The following NRXN1 variants were observed in gnomAD, a reference collection of about 807,000 sequenced individuals.
The protein encoded by NRXN1 is neurexin-1.
Under a neutral mutation model 150.9 loss-of-function variants are expected in NRXN1, and 39 were observed. The ratio of observed to expected loss-of-function variants is 0.26; its 90% CI spans 0.20 to 0.34. The LOEUF (loss-of-function observed/expected upper bound fraction) is 0.34. Ranked by LOEUF, NRXN1 falls within the 10% of genes least tolerant of loss-of-function variation. NRXN1 has a pLI of 1.00. For missense variants in NRXN1, 1,815 were observed against 1,949.9 expected, an observed-to-expected ratio of 0.93 and a Z score of 1.30; for synonymous variants, 924 against 757.0, an observed-to-expected ratio of 1.22 and a Z score of -3.62.
At chr2:50,506,389 GAATACATTTCAAGTTGTGTACC>G (rs2092222229) in intron 13 of NRXN1, 84 bp downstream of exon 13, 1 of 955,152 alleles carries the variant, frequency 1.0e-6, no homozygotes, top group Non-Finnish European at 1.5e-6. Flanking sequence ...TGGATTGTGT[GAATACATTTCAAGTTGTGTACC>G]AGCCTTGGTG....
intron 18 of NRXN1, among the ~76,000 whole-genome samples, chr2:50,146,243 G>A (rs1335656967): frequency 4.6e-5 from 7 of 151,578 alleles, no homozygotes; most frequent in Non-Finnish European, 8.9e-5. Context: ...GTCTAAATTC[G>A]TTCAACCATT....
At chr2:50,095,497 A>G (rs1700097990) in intron 18 of NRXN1, among the ~76,000 whole-genome samples, 1 of 152,166 alleles carries the variant, frequency 6.6e-6, no homozygotes, top group African/African-American at 2.4e-5. Flanking sequence ...AGTAGGCCAT[A>G]AGAGCCTATT....
intron 8 of NRXN1, among the ~76,000 whole-genome samples, chr2:50,608,082 G>A (rs80278785): frequency 0.035 from 5,274 of 152,070 alleles, 147 homozygotes; most frequent in Non-Finnish European, 0.053. Flanking sequence ...TCTTGACACC[G>A]AGATGCTGAG....
chr2:50,409,479 C>T lies in NRXN1; in HGVS notation c.3364+55963G>A, dbSNP rs75369556. ...AAAGAGAAAATGACCATTTGCATCT[C>T]TTGGTTATAAGTAGGCTTGTCATTC... is the stretch of plus-strand genomic sequence containing the variant. On this transcript the variant is annotated intron_variant, in intron 17 of 22. Transcript: ENST00000401669. 7.3e-3 allele frequency among the ~76,000 whole-genome samples: 1,111 copies of T among 152,324 alleles called. 20 individuals carry two copies. Among genetic ancestry groups the T allele is most frequent in the African/African-American group, 0.025 (1,053 of 41,582 alleles).
intron 17 of NRXN1, among the ~76,000 whole-genome samples, chr2:50,416,669 G>A (rs750828487): frequency 3.3e-5 from 5 of 152,064 alleles, no homozygotes; most frequent in Non-Finnish European, 5.9e-5. Context: ...TCAGGCAGAA[G>A]GGGAAGCAAA....
intron 2 of NRXN1, among the ~76,000 whole-genome samples, chr2:51,001,241 G>A (rs984258322): frequency 4.6e-5 from 6 of 131,652 alleles, no homozygotes; most frequent in Admixed American, 8.3e-5. Context: ...GGTTGGGGGG[G>A]GGGGGCGTTT....
rs566093717 is a variant in NRXN1, at chr2:50,655,172, G to T, written c.833-31557C>A. Among the ~76,000 whole-genome samples the T allele has an allele frequency of 3.3e-5, 5 of 151,256 alleles. No homozygotes were observed. In the East Asian group the frequency reaches 9.9e-4, roughly 30 times the overall value. On this transcript the variant is annotated intron_variant, in intron 5 of 22. Coordinates refer to ENST00000401669, the MANE Select transcript of NRXN1 (RefSeq NM_001330078.2). ...ATCAGGTGAGCCATACTTTTCTTGT[G>T]AAAAGTAGCAAGCATGGAAAAAAAA...
chr2:50,945,447 G>C (rs1212323121), intron 2 of NRXN1, among the ~76,000 whole-genome samples: 1 of 152,026 alleles, frequency 6.6e-6, no homozygotes, highest in African/African-American at 2.4e-5. Flanking sequence ...CTGGGTGACA[G>C]AGTGAGACAC....
chr2:50,506,532 A>G lies in NRXN1; in HGVS notation c.2460T>C (p.Ser820=), dbSNP rs1448300873. The G allele has an allele frequency of 1.2e-6, 2 of 1,612,960 alleles. No individual in the cohort carries two copies. Among genetic ancestry groups the G allele is most frequent in the African/African-American group, 2.7e-5 (2 of 74,848 alleles). The change falls in exon 13 of 23, where the codon AGT becomes AGC. Residue 820 remains serine, a synonymous_variant. Coordinates refer to ENST00000401669, the MANE Select transcript of NRXN1 (RefSeq NM_001330078.2). ...HTVRVVRRGK[S]LKLTVDDQQA... is the part of the protein sequence containing the mutation. ...GTTGGTCATCCACTGTTAACTTTAA[A>G]CTTTTTCCACGCCGAACTACACGCA...
At chr2:50,254,873 C>A (rs1183633059) in intron 17 of NRXN1, among the ~76,000 whole-genome samples, 2 of 152,006 alleles carry the variant, frequency 1.3e-5, no homozygotes, top group Non-Finnish European at 2.9e-5. Context: ...GTGGTGTTAT[C>A]GTGGTTCACT....
Position 50,532,057 on chromosome 2 carries a change from C to T in NRXN1, c.2144-627G>A, listed in dbSNP as rs569375646. 1.5e-3 allele frequency among the ~76,000 whole-genome samples: 233 copies of T among 152,102 alleles called. 3 individuals carry two copies. Among genetic ancestry groups the T allele is most frequent in the African/African-American group, 5.3e-3 (221 of 41,482 alleles). On this transcript the variant is annotated intron_variant, in intron 10 of 22. Coordinates refer to ENST00000401669, the MANE Select transcript of NRXN1 (RefSeq NM_001330078.2). ...TCTAGAGATGGGTCTCCCTTTGTTG[C>T]CAAGGCTGGTCTCAAACTCCTGGAC...
intron 17 of NRXN1, among the ~76,000 whole-genome samples, chr2:50,376,558 T>C (rs1316330947): frequency 6.6e-6 from 1 of 152,138 alleles, no homozygotes; most frequent in Non-Finnish European, 1.5e-5. Context: ...TGTTTTTCTA[T>C]CTTGTGTTGC....
At chr2:50,687,171 G>A (rs1691358198) in intron 5 of NRXN1, among the ~76,000 whole-genome samples, 1 of 152,110 alleles carries the variant, frequency 6.6e-6, no homozygotes, top group Non-Finnish European at 1.5e-5. Context: ...AGTCAGTAGG[G>A]TATTTAAAGA....
chr2:50,733,468 A>C (rs1698350076), intron 5 of NRXN1, among the ~76,000 whole-genome samples: 1 of 152,210 alleles, frequency 6.6e-6, no homozygotes, highest in African/African-American at 2.4e-5. Context: ...ATAAGCATTA[A>C]GTGATTAATG....
chr2:50,379,665 T>C (rs1389736137), intron 17 of NRXN1, among the ~76,000 whole-genome samples: 1 of 152,038 alleles, frequency 6.6e-6, no homozygotes, highest in Non-Finnish European at 1.5e-5. Flanking sequence ...ATTAAGGCAA[T>C]ACGTACCAAA....
At chr2:51,031,872 T>G (rs551225519) in intron 1 of NRXN1, 109 bp downstream of exon 1, 10 of 152,226 alleles carry the variant, frequency 6.6e-5, no homozygotes, top group African/African-American at 2.4e-4. Flanking sequence ...CACCCATCTT[T>G]CCCTGTGTAT....
chr2:50,246,503 A>G (rs530494207), intron 17 of NRXN1, among the ~76,000 whole-genome samples: 1 of 152,214 alleles, frequency 6.6e-6, no homozygotes, highest in Admixed American at 6.6e-5. Context: ...CTACTCATTT[A>G]TCTTCTTCCT....
intron 21 of NRXN1, among the ~76,000 whole-genome samples, chr2:49,983,336 A>T (rs1375139190): frequency 6.6e-6 from 1 of 152,204 alleles, no homozygotes; most frequent in African/African-American, 2.4e-5. Flanking sequence ...CAAATGAGGA[A>T]TAAATGAGTA....
chr2:50,441,337 T>C (rs1261434869), intron 17 of NRXN1, among the ~76,000 whole-genome samples: 1 of 152,140 alleles, frequency 6.6e-6, no homozygotes. Context: ...CTTCCTCTTT[T>C]TAAAATTAAT....
Sources: allele counts gnomAD v4.1 joint callset (sites outside exome capture counted in the v4.1 genomes callset), GRCh38; gene constraint gnomAD v4.1.1; transcripts MANE v1.5; gene names NCBI Gene and HGNC (gene_info 2026-07-23, HGNC 2026-07-21).